Variants in SEC24B observed in about 807,000 individuals in gnomAD.
The protein encoded by SEC24B is SEC24 homolog B, COPII component.
SEC24B carries 45 observed loss-of-function variants against 142.8 expected under a neutral mutation model. That is an observed-to-expected ratio of 0.32 (90% confidence interval 0.25 to 0.40). The LOEUF (loss-of-function observed/expected upper bound fraction) is 0.40, where lower values mean the gene tolerates loss of function less well. Ranked by LOEUF, SEC24B falls within the 10% of genes least tolerant of loss-of-function variation. The probability of loss-of-function intolerance (pLI) is 1.00; values close to 1 mark genes in which losing one functional copy is unlikely to be tolerated. For missense variants in SEC24B, 1,409 were observed against 1,526.8 expected (o/e 0.92, Z 1.29); for synonymous variants, 574 against 568.2 (o/e 1.01, Z -0.15).
At chr4:109,506,650 T>C in intron 7 of SEC24B, 138 bp downstream of exon 7, 1 of 593,494 alleles carries the variant, frequency 1.7e-6, no homozygotes, top group Non-Finnish European at 2.6e-6. Context: ...TTTGTATAGA[T>C]GTAAAATTTG....
chr4:109,523,359 ACTC>A (rs1723866237), intron 14 of SEC24B, among the ~76,000 whole-genome samples: 1 of 152,030 alleles, frequency 6.6e-6, no homozygotes, highest in Admixed American at 6.6e-5. Context: ...AATCCCAGCT[ACTC>A]AGATGGCTGA....
chr4:109,521,347 C>A, intron 13 of SEC24B, 73 bp from the exon 14 acceptor site: 1 of 1,304,854 alleles, frequency 7.7e-7, no homozygotes, highest in Non-Finnish European at 1.1e-6. Context: ...ACATGATACA[C>A]TATGGAATGT....
intron 3 of SEC24B, among the ~76,000 whole-genome samples, chr4:109,481,202 G>T (rs1460500464): frequency 3.3e-5 from 5 of 151,740 alleles, no homozygotes; most frequent in African/African-American, 1.2e-4. Flanking sequence ...TTCTGTTATG[G>T]GAACTGAGTT....
chr4:109,526,410 CAG>C lies in SEC24B; in HGVS notation c.2965+13_2965+14del. The C allele has an allele frequency of 6.3e-7, 1 of 1,590,838 alleles. No homozygotes were observed. The highest frequency in any genetic ancestry group is 8.6e-7 in the Non-Finnish European group (1 of 1,163,360). ...ATACATCAAGCAAAGGTAATGTTAA[CAG>C]AAATGAAATATAGTCTGCAGCAGTA... On this transcript the variant is annotated intron_variant, in intron 17 of 23. Transcript: ENST00000265175.
intron 3 of SEC24B, among the ~76,000 whole-genome samples, chr4:109,480,018 CGATTTTTATTTTATT>C (rs1278252027): frequency 3.3e-5 from 5 of 151,922 alleles, no homozygotes; most frequent in African/African-American, 9.7e-5. Flanking sequence ...TTATTTACAT[CGATTTTTATTTTATT>C]GATTTTTATT....
chr4:109,440,244 CCCTT>C (rs777991115), intron 1 of SEC24B, among the ~76,000 whole-genome samples: 22 of 152,078 alleles, frequency 1.4e-4, no homozygotes, highest in Admixed American at 2.6e-4. Flanking sequence ...TCTTTTCACT[CCCTT>C]CCTCTCCCCC....
chr4:109,512,661 T>A (rs74969380), intron 9 of SEC24B, among the ~76,000 whole-genome samples: 3,287 of 151,788 alleles, frequency 0.022, 64 homozygotes, highest in Middle Eastern at 0.037. Flanking sequence ...TTTTTTTTTT[T>A]AATTTTTTTT....
chr4:109,472,126 A>G (rs1732582065), intron 2 of SEC24B, among the ~76,000 whole-genome samples: 1 of 152,016 alleles, frequency 6.6e-6, no homozygotes, highest in African/African-American at 2.4e-5. Flanking sequence ...CCATATTCCT[A>G]TTTGTTTCAG....
In SEC24B at chr4:109,528,966, G is replaced by A. The variant is rs188942301; in HGVS notation, c.3077-1323G>A. ...TCACTTAACTTCAGGAGTTCAAGAC[G>A]AGACTGGTCAATGAAGTGAGACCCT... On this transcript the variant is annotated intron_variant, in intron 18 of 23. Transcript: ENST00000265175. 3.3e-3 allele frequency among the ~76,000 whole-genome samples: 508 copies of A among 152,270 alleles called. 3 individuals carry two copies. The highest frequency in any genetic ancestry group is 0.012 in the African/African-American group (486 of 41,570).
intron 10 of SEC24B, 51 bp downstream of exon 10, chr4:109,513,907 T>C (rs1480015571): frequency 3.3e-6 from 4 of 1,209,056 alleles, no homozygotes. Context: ...CATTGGTCAT[T>C]TGTAATTTTC....
In SEC24B at chr4:109,538,607, T is replaced by G; in HGVS notation, c.3692+11T>G. 1 of 1,516,388 alleles carries G rather than the reference T, an allele frequency of 6.6e-7. No individual in the cohort carries two copies. Among genetic ancestry groups the G allele is most frequent in the Non-Finnish European group, 9.2e-7 (1 of 1,091,602 alleles). The allele number at this position is 1,516,388 out of a possible 1,614,324, so 93.9% of individuals were successfully genotyped here. A position where few individuals can be genotyped will look rare whatever the true frequency, so the allele number is the denominator to read the frequency against. ...CCTTCACATAGTAAAGTAAGTACTT[T>G]TGTAACTTAATTATGAAGTTGTCTT... On this transcript the variant is annotated intron_variant, in intron 23 of 23. Transcript: ENST00000265175.
At chr4:109,528,768 G>GAAACT (rs1724558014) in intron 18 of SEC24B, among the ~76,000 whole-genome samples, 1 of 152,194 alleles carries the variant, frequency 6.6e-6, no homozygotes, top group Non-Finnish European at 1.5e-5. Flanking sequence ...AACAAGCCTT[G>GAAACT]CTATTTCCCA....
chr4:109,481,220 A>T (rs968648635), intron 3 of SEC24B, among the ~76,000 whole-genome samples: 2 of 152,098 alleles, frequency 1.3e-5, no homozygotes, highest in African/African-American at 4.8e-5. Context: ...GTTTACCATC[A>T]AGGTAACATT....
chr4:109,445,238 CTTTG>C (rs1470454393), intron 1 of SEC24B, among the ~76,000 whole-genome samples: 1 of 129,350 alleles, frequency 7.7e-6, no homozygotes, highest in Non-Finnish European at 1.6e-5. Context: ...TTCTTTCTTT[CTTTG>C]TTTTTTTTTT....
At chr4:109,471,567 CAA>C (rs1445001043) in intron 2 of SEC24B, among the ~76,000 whole-genome samples, 1 of 152,088 alleles carries the variant, frequency 6.6e-6, no homozygotes, top group African/African-American at 2.4e-5. Context: ...TTTAAAATAA[CAA>C]TGATTTATTA....
Position 109,494,807 on chromosome 4 carries a change from G to C in SEC24B, c.1439G>C (p.Gly480Ala). 6.2e-7 allele frequency: 1 copy of C among 1,614,078 alleles called. No individual in the cohort carries two copies. Among genetic ancestry groups the C allele is most frequent in the South Asian group, 1.1e-5 (1 of 91,080 alleles). ...YQNATAPLIS[G>A]VQPSNPVYSG... Reference sequence around the variant, plus strand: ...AATGCTACAGCACCACTTATTTCTGGAGTACAGCCCAGTAACCCGGTATAT... The same window carrying C: ...AATGCTACAGCACCACTTATTTCTGCAGTACAGCCCAGTAACCCGGTATAT... Residue 480 changes from glycine to alanine, a missense_variant, in exon 6 of 24, where the codon GGA becomes GCA. By Grantham distance (60) the Gly-to-Ala change is moderately conservative. Around this residue, in one of 2 missense-constraint regions of SEC24B, gnomAD observed 709 missense variants for 673.5 expected, o/e 1.05. Transcript: ENST00000265175.
At chr4:109,450,509 T>A (rs960428238) in intron 1 of SEC24B, among the ~76,000 whole-genome samples, 1 of 151,180 alleles carries the variant, frequency 6.6e-6, no homozygotes, top group African/African-American at 2.4e-5. Flanking sequence ...AATACAAAAA[T>A]TAGCTGGACG....
chr4:109,511,854 A>G, intron 8 of SEC24B, 103 bp from the exon 9 acceptor site: 1 of 1,192,268 alleles, frequency 8.4e-7, no homozygotes, highest in Non-Finnish European at 1.2e-6. Flanking sequence ...AACCACATAA[A>G]AACAATTAAG....
intron 6 of SEC24B, among the ~76,000 whole-genome samples, chr4:109,503,176 C>T (rs553807662): frequency 6.6e-6 from 1 of 151,414 alleles, no homozygotes; most frequent in African/African-American, 2.4e-5. Flanking sequence ...TCTCCTGCCT[C>T]AGACTCCCGA....
Sources: allele counts gnomAD v4.1 joint callset (sites outside exome capture counted in the v4.1 genomes callset), GRCh38; gene constraint gnomAD v4.1.1; regional missense constraint gnomAD v4.1.1; transcripts MANE v1.5; gene names NCBI Gene and HGNC (gene_info 2026-07-23, HGNC 2026-07-21).